Variants in SHISA9 observed in about 807,000 individuals in gnomAD.
The protein encoded by SHISA9 is protein shisa-9.
Under a neutral mutation model 38.0 loss-of-function variants are expected in SHISA9, and 13 were observed. The ratio of observed to expected loss-of-function variants is 0.34; its 90% CI spans 0.22 to 0.54. SHISA9 has a LOEUF of 0.54. Ranked by LOEUF, SHISA9 falls within the 20% of genes least tolerant of loss-of-function variation. The pLI is 0.91. For synonymous variants in SHISA9, 275 were observed against 242.0 expected, an observed-to-expected ratio of 1.14 and a Z score of -1.27; for missense variants, 538 against 575.8, an observed-to-expected ratio of 0.93 and a Z score of 0.67.
At chr16:13,432,436 T>G in the SHISA9 span, among the ~76,000 whole-genome samples, 2 of 152,216 alleles carry the variant, frequency 1.3e-5, no homozygotes, top group Non-Finnish European at 2.9e-5. Context: ...GCCAATGAGC[T>G]GTGAAATGAT....
chr16:13,324,996 C>G, the SHISA9 span, among the ~76,000 whole-genome samples: 1 of 152,142 alleles, frequency 6.6e-6, no homozygotes, highest in African/African-American at 2.4e-5. Context: ...TAAAGAAATG[C>G]TTGAGTTTAG....
intron 2 of SHISA9, among the ~76,000 whole-genome samples, chr16:12,920,514 T>C (rs1451903061): frequency 6.6e-6 from 1 of 152,172 alleles, no homozygotes; most frequent in Non-Finnish European, 1.5e-5. Context: ...GGATTGTTTG[T>C]AACTGAAAGG....
intron 2 of SHISA9, among the ~76,000 whole-genome samples, chr16:13,057,201 C>T (rs2073321086): frequency 6.6e-6 from 1 of 152,140 alleles, no homozygotes; most frequent in Non-Finnish European, 1.5e-5. Context: ...TGGCAGCCTC[C>T]AGGGAGCCGA....
At chr16:13,444,421 AAGG>A in the SHISA9 span, among the ~76,000 whole-genome samples, 1 of 44,428 alleles carries the variant, frequency 2.3e-5, no homozygotes, top group East Asian at 4.4e-4. Flanking sequence ...GGGAGGGAGG[AAGG>A]AAGGAAGGAA....
At chr16:13,458,867 G>T in the SHISA9 span, among the ~76,000 whole-genome samples, 2 of 150,922 alleles carry the variant, frequency 1.3e-5, no homozygotes, top group Non-Finnish European at 3.0e-5. Context: ...TTTGTTTTTT[G>T]TTTTTTGTTT....
At position 12,975,301 on chromosome 16, in the gene SHISA9, G is replaced by A. The variant is rs1264077421; in HGVS notation, c.691+58486G>A. On this transcript the variant is annotated intron_variant, in intron 2 of 4. Coordinates refer to ENST00000558583, the MANE Select transcript of SHISA9 (RefSeq NM_001145204.3). ...CGGTGAATCACAAGGTCAGGAGTTC[G>A]AGACCATCCTGGCCAACATGGTGAA... Among the ~76,000 whole-genome samples, 10 of 152,048 alleles carry A rather than the reference G, an allele frequency of 6.6e-5. No homozygotes were observed. In the East Asian group the frequency reaches 1.4e-3, roughly 21 times the overall value.
At chr16:13,212,751 G>C (rs1450743504) in intron 3 of SHISA9, among the ~76,000 whole-genome samples, 3 of 152,200 alleles carry the variant, frequency 2.0e-5, no homozygotes, top group African/African-American at 7.2e-5. Flanking sequence ...CTGTCACCCA[G>C]CATTTAAAGT....
chr16:13,554,502 C>A, the SHISA9 span, among the ~76,000 whole-genome samples: 6 of 138,836 alleles, frequency 4.3e-5, no homozygotes, highest in African/African-American at 1.6e-4. Flanking sequence ...TTTTCTTTTT[C>A]TTTTCTTCTC....
chr16:13,481,489 G>A, the SHISA9 span, among the ~76,000 whole-genome samples: 1 of 152,192 alleles, frequency 6.6e-6, no homozygotes. Flanking sequence ...CAACCATGCT[G>A]TAGAGGTGCA....
the SHISA9 span, among the ~76,000 whole-genome samples, chr16:13,380,547 G>T: frequency 6.6e-6 from 1 of 152,116 alleles, no homozygotes; most frequent in Admixed American, 6.5e-5. Context: ...CAAGTATAAA[G>T]GGGAGCCTAG....
chr16:12,928,551 A>G (rs1028151743), intron 2 of SHISA9, among the ~76,000 whole-genome samples: 1 of 152,226 alleles, frequency 6.6e-6, no homozygotes, highest in Non-Finnish European at 1.5e-5. Context: ...TCCAAGACGG[A>G]CATAAGGATG....
the SHISA9 span, among the ~76,000 whole-genome samples, chr16:13,388,537 A>G: frequency 3.4e-3 from 513 of 152,038 alleles, 8 homozygotes; most frequent in East Asian, 0.031. Flanking sequence ...CCTTGACCTC[A>G]AGTGATCCAC....
chr16:13,120,362 C>A (rs191981281), intron 2 of SHISA9, among the ~76,000 whole-genome samples: 11 of 152,108 alleles, frequency 7.2e-5, no homozygotes, highest in African/African-American at 2.7e-4. Context: ...GGGGATTGCA[C>A]AGCAAACATC....
Position 13,026,502 on chromosome 16 carries a change from T to C in SHISA9, c.691+109687T>C, listed in dbSNP as rs951321422. 2.0e-5 allele frequency among the ~76,000 whole-genome samples: 3 copies of C among 152,252 alleles called. No homozygotes were observed. The East Asian group carries it at 5.8e-4, about 29-fold the overall frequency. ...TTGATGGATGTCTGTGTCGTTTCTG[T>C]ATCTTAGCTTTTGTGAATAATGCTG... On this transcript the variant is annotated intron_variant, in intron 2 of 4. Coordinates refer to ENST00000558583, the MANE Select transcript of SHISA9 (RefSeq NM_001145204.3).
At chr16:13,347,841 C>CCCG in the SHISA9 span, among the ~76,000 whole-genome samples, 2 of 68,900 alleles carry the variant, frequency 2.9e-5, no homozygotes, top group African/African-American at 6.8e-5. Context: ...AATAACGTAC[C>CCCG]CCCCCACAAA....
intron 2 of SHISA9, among the ~76,000 whole-genome samples, chr16:13,165,388 C>T (rs888125083): frequency 4.6e-5 from 7 of 152,110 alleles, no homozygotes; most frequent in African/African-American, 1.7e-4. Context: ...CAGTATATTT[C>T]TTTTATCTTA....
chr16:13,176,227 T>G (rs76295623), intron 2 of SHISA9, among the ~76,000 whole-genome samples: 2,557 of 152,236 alleles, frequency 0.017, 74 homozygotes, highest in African/African-American at 0.059. Context: ...GGGGCTTATA[T>G]AGCCAGGCAT....
chr16:13,037,083 C>CACACA (rs1181431687), intron 2 of SHISA9, among the ~76,000 whole-genome samples: 2 of 69,192 alleles, frequency 2.9e-5, no homozygotes, highest in African/African-American at 1.1e-4. Flanking sequence ...CACACACACA[C>CACACA]CACACCACAC....
At chr16:13,440,661 G>C in the SHISA9 span, among the ~76,000 whole-genome samples, 17 of 152,344 alleles carry the variant, frequency 1.1e-4, no homozygotes, top group Non-Finnish European at 2.2e-4. Flanking sequence ...GGGTGCGGCG[G>C]CTCACGACTA....
Sources: gnomAD v4.1 joint callset for allele counts (sites outside exome capture counted in the v4.1 genomes callset) on GRCh38, gnomAD v4.1.1 for gene constraint, MANE v1.5 for transcripts, NCBI Gene and HGNC (gene_info 2026-07-23, HGNC 2026-07-21) for gene names.